The following LPAR3 variants were observed in gnomAD, a reference collection of about 807,000 sequenced individuals.
LPAR3 encodes LPA receptor 3.
A neutral mutation model predicts 17.8 loss-of-function variants in LPAR3; 7 were observed. The ratio of observed to expected loss-of-function variants is 0.39; its 90% CI spans 0.22 to 0.74. The LOEUF (loss-of-function observed/expected upper bound fraction) is 0.74, where lower values mean the gene tolerates loss of function less well. Ranked by LOEUF, LPAR3 falls within the 30% of genes least tolerant of loss-of-function variation. The probability of loss-of-function intolerance (pLI) is 0.40; values close to 1 mark genes in which losing one functional copy is unlikely to be tolerated. For synonymous variants in LPAR3, 179 were observed against 179.9 expected, an observed-to-expected ratio of 0.99 and a Z score of 0.04; for missense variants, 391 against 453.4, an observed-to-expected ratio of 0.86 and a Z score of 1.25.
rs200106502 is a variant in LPAR3, at chr1:84,843,211, TG to T, written c.736+22173del. On this transcript the variant is annotated intron_variant, in intron 2 of 2. Coordinates refer to ENST00000370611, the MANE Select transcript of LPAR3 (RefSeq NM_012152.3). ...ACATTTAAAACTCCATTTCTTCTTT[TG>T]TTCCTGTCCTCTTTTGCCCTCCACA... Among the ~76,000 whole-genome samples the T allele has an allele frequency of 4.7e-3, 715 of 152,350 alleles. 5 individuals are homozygous for T. The highest frequency in any genetic ancestry group is 0.014 in the South Asian group (70 of 4,830).
At position 84,820,823 on chromosome 1, in the gene LPAR3, T is replaced by A. The variant is rs958622180; in HGVS notation, c.737-6652A>T. On this transcript the variant is annotated intron_variant, in intron 2 of 2. Coordinates refer to ENST00000370611, the MANE Select transcript of LPAR3 (RefSeq NM_012152.3). The stretch of plus-strand genomic sequence containing the variant: ...GATTAAGAAAATCTTTCTATGTTCC[T>A]TGGTTCATAAAGGAACCCCACTGAG... Among the ~76,000 whole-genome samples the A allele has an allele frequency of 2.1e-4, 32 of 152,184 alleles. 1 individual carries two copies. The highest frequency in any genetic ancestry group is 7.7e-4 in the African/African-American group (32 of 41,446).
intron 2 of LPAR3, among the ~76,000 whole-genome samples, chr1:84,863,447 G>A (rs996775864): frequency 6.6e-6 from 1 of 152,050 alleles, no homozygotes; most frequent in Non-Finnish European, 1.5e-5. Flanking sequence ...TCCTCTCCTC[G>A]ATTGCCTTCT....
chr1:84,852,141 C>T (rs1196780419), intron 2 of LPAR3, among the ~76,000 whole-genome samples: 1 of 151,498 alleles, frequency 6.6e-6, no homozygotes, highest in Non-Finnish European at 1.5e-5. Context: ...ACTTCTGCCT[C>T]CTGGGCCCAA....
At chr1:84,870,915 C>T (rs1158327056) in intron 1 of LPAR3, among the ~76,000 whole-genome samples, 1 of 152,156 alleles carries the variant, frequency 6.6e-6, no homozygotes, top group Non-Finnish European at 1.5e-5. Context: ...ATAGAATGAT[C>T]TGATCAAATC....
chr1:84,856,026 G>A (rs187253635), intron 2 of LPAR3, among the ~76,000 whole-genome samples: 16 of 152,218 alleles, frequency 1.1e-4, no homozygotes, highest in African/African-American at 2.4e-4. Context: ...CACGTTCCCC[G>A]TCAGAACAGG....
intron 2 of LPAR3, among the ~76,000 whole-genome samples, chr1:84,850,412 A>AAAAAAG (rs538660476): frequency 0.011 from 1,591 of 149,592 alleles, 13 homozygotes; most frequent in Middle Eastern, 0.033. Flanking sequence ...AAAAAAAAAA[A>AAAAAAG]AAAAAGAAAA....
intron 2 of LPAR3, among the ~76,000 whole-genome samples, chr1:84,863,779 T>C (rs1408126604): frequency 6.6e-6 from 1 of 152,190 alleles, no homozygotes; most frequent in African/African-American, 2.4e-5. Context: ...GTTCCTAAAT[T>C]TAGCTTGTCC....
intron 2 of LPAR3, among the ~76,000 whole-genome samples, chr1:84,843,825 G>C (rs1659551106): frequency 6.6e-6 from 1 of 152,184 alleles, no homozygotes; most frequent in Non-Finnish European, 1.5e-5. Flanking sequence ...TCCTTTCTCA[G>C]GCCTTTTGCA....
intron 2 of LPAR3, among the ~76,000 whole-genome samples, chr1:84,825,605 T>C (rs542036867): frequency 1.3e-5 from 2 of 152,318 alleles, no homozygotes; most frequent in African/African-American, 2.4e-5. Context: ...CTTCTCCAGG[T>C]CTCCAGTACT....
At chr1:84,836,637 A>G (rs958011894) in intron 2 of LPAR3, among the ~76,000 whole-genome samples, 1 of 152,222 alleles carries the variant, frequency 6.6e-6, no homozygotes, top group African/African-American at 2.4e-5. Context: ...GAAAATTAGA[A>G]CAAAATCTTA....
At chr1:84,876,307 C>A (rs114901787) in intron 1 of LPAR3, among the ~76,000 whole-genome samples, 15 of 152,300 alleles carry the variant, frequency 9.8e-5, no homozygotes, top group African/African-American at 3.4e-4. Flanking sequence ...TCACATGCAT[C>A]TTCCAGCTCC....
At chr1:84,838,287 G>C (rs1020910607) in intron 2 of LPAR3, among the ~76,000 whole-genome samples, 2 of 152,216 alleles carry the variant, frequency 1.3e-5, no homozygotes, top group African/African-American at 4.8e-5. Context: ...GCATTGACAC[G>C]GGGATCCATG....
At chr1:84,818,602 A>T (rs909337771) in intron 2 of LPAR3, among the ~76,000 whole-genome samples, 2 of 151,986 alleles carry the variant, frequency 1.3e-5, no homozygotes, top group Non-Finnish European at 2.9e-5. Flanking sequence ...TTAAAAGAAT[A>T]AAAAAAATAA....
Position 84,812,577 on chromosome 1 carries a change from C to T in LPAR3, c.*1269G>A, listed in dbSNP as rs1416732565. 1 of 151,980 alleles carries T rather than the reference C, an allele frequency of 6.6e-6. No individual in the cohort carries two copies. The highest frequency in any genetic ancestry group is 1.5e-5 in the Non-Finnish European group (1 of 68,018). The allele number at this position is 151,980 out of a possible 1,614,324, so 9.4% of individuals were successfully genotyped here. A position where few individuals can be genotyped will look rare whatever the true frequency, so the allele number is the denominator to read the frequency against. On this transcript the variant is annotated 3_prime_UTR_variant, in exon 3 of 3. Coordinates refer to ENST00000370611, the MANE Select transcript of LPAR3 (RefSeq NM_012152.3). ...CTTCCCAAGTACCTGGTATTACAGGCATGTGCCACCATGCCTGGCTAGTTT... is the reference window on the plus strand; with the variant it reads ...CTTCCCAAGTACCTGGTATTACAGGTATGTGCCACCATGCCTGGCTAGTTT...
At chr1:84,850,775 C>G (rs1659688692) in intron 2 of LPAR3, among the ~76,000 whole-genome samples, 1 of 152,240 alleles carries the variant, frequency 6.6e-6, no homozygotes. Flanking sequence ...CTGGTTAGAA[C>G]CAGGACACAG....
At chr1:84,829,418 T>G (rs1169568429) in intron 2 of LPAR3, among the ~76,000 whole-genome samples, 2 of 151,606 alleles carry the variant, frequency 1.3e-5, no homozygotes, top group Non-Finnish European at 2.9e-5. Context: ...AAGTGGGAGG[T>G]GCTGGAGTTT....
intron 2 of LPAR3, among the ~76,000 whole-genome samples, chr1:84,862,331 A>G (rs893271658): frequency 6.6e-6 from 1 of 152,244 alleles, no homozygotes; most frequent in African/African-American, 2.4e-5. Context: ...ACAGGACAAA[A>G]AGATGAGCGT....
intron 2 of LPAR3, among the ~76,000 whole-genome samples, chr1:84,860,504 C>A (rs960426533): frequency 6.6e-6 from 1 of 152,122 alleles, no homozygotes; most frequent in African/African-American, 2.4e-5. Flanking sequence ...CTTCCTCCAG[C>A]CCATGCAAAT....
Position 84,885,300 on chromosome 1 carries a change from T to C in LPAR3, c.-19+7716A>G, listed in dbSNP as rs1316838021. Among the ~76,000 whole-genome samples the C allele has an allele frequency of 2.6e-5, 4 of 152,182 alleles. No individual in the cohort carries two copies. In the South Asian group the frequency reaches 6.2e-4, roughly 24 times the overall value. On this transcript the variant is annotated intron_variant, in intron 1 of 2. Coordinates refer to ENST00000370611, the MANE Select transcript of LPAR3 (RefSeq NM_012152.3). ...GAGACATATAATACAGGGTTAAGTG[T>C]GGCAGAGCTGTAATAGAGCTAAAAC...
Sources: gnomAD v4.1 joint callset for allele counts (sites outside exome capture counted in the v4.1 genomes callset) on GRCh38, gnomAD v4.1.1 for gene constraint, MANE v1.5 for transcripts, NCBI Gene and HGNC (gene_info 2026-07-23, HGNC 2026-07-21) for gene names.